Variants in UBE2E2 observed in about 807,000 individuals in gnomAD.
UBE2E2 encodes the protein ubiquitin conjugating enzyme E2 E2, also known as ubiquitin-conjugating enzyme E2 E2.
Under a neutral mutation model 24.7 loss-of-function variants are expected in UBE2E2, and 6 were observed. The observed-to-expected ratio is 0.24, with a 90% confidence interval of 0.13 to 0.48. UBE2E2 has a LOEUF of 0.48. Ranked by LOEUF, UBE2E2 falls within the 20% of genes least tolerant of loss-of-function variation. The pLI is 0.99. For synonymous variants in UBE2E2, 104 were observed against 83.6 expected (o/e 1.24, Z -1.33); for missense variants, 169 against 245.0 (o/e 0.69, Z 2.07).
At chr3:23,262,564 G>A (rs182215585) in intron 3 of UBE2E2, among the ~76,000 whole-genome samples, 7 of 151,956 alleles carry the variant, frequency 4.6e-5, no homozygotes, top group Admixed American at 2.0e-4. Context: ...GCAGGCATGA[G>A]CCACCATGTT....
intron 3 of UBE2E2, among the ~76,000 whole-genome samples, chr3:23,233,167 T>C (rs1697014931): frequency 6.6e-6 from 1 of 152,078 alleles, no homozygotes; most frequent in Non-Finnish European, 1.5e-5. Flanking sequence ...GTGAGATGGT[T>C]TAGAAAATGT....
chr3:23,402,600 A>G (rs1697253413), intron 3 of UBE2E2, among the ~76,000 whole-genome samples: 1 of 152,214 alleles, frequency 6.6e-6, no homozygotes, highest in Non-Finnish European at 1.5e-5. Context: ...TGCAAATAAC[A>G]TATGATCACC....
intron 4 of UBE2E2, among the ~76,000 whole-genome samples, chr3:23,525,762 G>T (rs1694980786): frequency 6.6e-6 from 1 of 152,170 alleles, no homozygotes; most frequent in South Asian, 2.1e-4. Flanking sequence ...TGACATGAAG[G>T]ATGTATAGCT....
intron 5 of UBE2E2, among the ~76,000 whole-genome samples, chr3:23,564,935 A>G (rs1464064238): frequency 6.6e-6 from 1 of 152,202 alleles, no homozygotes; most frequent in African/African-American, 2.4e-5. Context: ...AAAACCAGGC[A>G]TATGAGAAGG....
intron 3 of UBE2E2, among the ~76,000 whole-genome samples, chr3:23,251,556 A>C (rs1167688306): frequency 6.6e-6 from 1 of 152,206 alleles, no homozygotes; most frequent in African/African-American, 2.4e-5. Flanking sequence ...CATGCAACCC[A>C]TGTACCTACT....
chr3:23,532,859 G>A (rs1695155419), intron 5 of UBE2E2, among the ~76,000 whole-genome samples, 158 bp downstream of exon 5: 1 of 151,766 alleles, frequency 6.6e-6, no homozygotes, highest in Non-Finnish European at 1.5e-5. Flanking sequence ...TTTTTAAATT[G>A]GGTCTTCTCA....
chr3:23,590,158 T>TA lies in UBE2E2; in HGVS notation c.*328dup, dbSNP rs75726762. On this transcript the variant is annotated 3_prime_UTR_variant, in exon 6 of 6. Transcript: ENST00000396703. ...GGAGCTGTAATAGTAAGAGCTTTCTTACAAAGCTTTGTATTACTGTGTGGT... is the reference window on the plus strand; with the variant it reads ...GGAGCTGTAATAGTAAGAGCTTTCTTAACAAAGCTTTGTATTACTGTGTGGT... The TA allele has an allele frequency of 0.23, 52,214 of 231,932 alleles. 6,531 individuals are homozygous for TA. The highest frequency in any genetic ancestry group is 0.29 in the Admixed American group (5,387 of 18,626). The allele number at this position is 231,932 out of a possible 1,614,324, so 14.4% of individuals were successfully genotyped here.
chr3:23,349,589 C>A (rs1023266654), intron 3 of UBE2E2, among the ~76,000 whole-genome samples: 1 of 152,218 alleles, frequency 6.6e-6, no homozygotes, highest in Non-Finnish European at 1.5e-5. Flanking sequence ...ATATCCCACG[C>A]AAGGCTCGGA....
At chr3:23,503,240 A>C (rs1346014057) in intron 4 of UBE2E2, among the ~76,000 whole-genome samples, 1 of 151,420 alleles carries the variant, frequency 6.6e-6, no homozygotes, top group Non-Finnish European at 1.5e-5. Context: ...CCTAAGCTGG[A>C]GTGAAGTGGC....
chr3:23,367,162 T>G (rs1372239742), intron 3 of UBE2E2, among the ~76,000 whole-genome samples: 2 of 152,230 alleles, frequency 1.3e-5, no homozygotes, highest in Non-Finnish European at 2.9e-5. Flanking sequence ...ATTTTCAGTT[T>G]CATTATAAAA....
chr3:23,477,339 A>G (rs921284490), intron 3 of UBE2E2, among the ~76,000 whole-genome samples: 19 of 152,224 alleles, frequency 1.2e-4, no homozygotes, highest in Admixed American at 9.2e-4. Flanking sequence ...GTAATAGCTA[A>G]ATGTGTACCA....
chr3:23,288,189 C>A (rs952964632), intron 3 of UBE2E2, among the ~76,000 whole-genome samples: 10 of 152,128 alleles, frequency 6.6e-5, no homozygotes, highest in African/African-American at 2.2e-4. Flanking sequence ...ACCCACTGAG[C>A]ATATGGTTTA....
chr3:23,428,461 TA>T (rs1446819818), intron 3 of UBE2E2, among the ~76,000 whole-genome samples: 1 of 152,150 alleles, frequency 6.6e-6, no homozygotes, highest in African/African-American at 2.4e-5. Flanking sequence ...CTAAAATCAG[TA>T]ATCTAAGCTT....
At chr3:23,221,019 G>T (rs906725752) in intron 3 of UBE2E2, among the ~76,000 whole-genome samples, 18 of 152,180 alleles carry the variant, frequency 1.2e-4, no homozygotes, top group African/African-American at 4.1e-4. Flanking sequence ...AAGCTAACTT[G>T]TTCAAATGCT....
chr3:23,211,757 AGAT>A (rs1336096492), intron 2 of UBE2E2, among the ~76,000 whole-genome samples: 1 of 152,148 alleles, frequency 6.6e-6, no homozygotes, highest in African/African-American at 2.4e-5. Context: ...CGTAGAAGGA[AGAT>A]GATAACGGTA....
chr3:23,299,704 C>G (rs940754118), intron 3 of UBE2E2, among the ~76,000 whole-genome samples: 7 of 152,104 alleles, frequency 4.6e-5, no homozygotes, highest in African/African-American at 1.7e-4. Context: ...TTACTTCCAC[C>G]TATGTGGTCA....
intron 3 of UBE2E2, among the ~76,000 whole-genome samples, chr3:23,315,649 G>T (rs1694552820): frequency 6.6e-6 from 1 of 152,112 alleles, no homozygotes; most frequent in African/African-American, 2.4e-5. Flanking sequence ...TGTTTTTCTG[G>T]ATGGTCTTAG....
intron 3 of UBE2E2, among the ~76,000 whole-genome samples, chr3:23,462,797 C>T (rs887740977): frequency 3.3e-5 from 5 of 152,110 alleles, no homozygotes; most frequent in African/African-American, 9.7e-5. Flanking sequence ...AGTTCTTTTA[C>T]GTCAGGGGGT....
chr3:23,516,895 T>A (rs71322195), intron 4 of UBE2E2, among the ~76,000 whole-genome samples: 10,927 of 152,176 alleles, frequency 0.072, 515 homozygotes, highest in Non-Finnish European at 0.088. Flanking sequence ...TTAGAACATA[T>A]CAGTTTCATG....
Sources: gnomAD v4.1 joint callset for allele counts (sites outside exome capture counted in the v4.1 genomes callset) on GRCh38, gnomAD v4.1.1 for gene constraint, MANE v1.5 for transcripts, NCBI Gene and HGNC (gene_info 2026-07-23, HGNC 2026-07-21) for gene names.